Variants in PTPRG observed in about 807,000 individuals in gnomAD.
PTPRG encodes the protein protein tyrosine phosphatase receptor type G, also known as receptor-type tyrosine-protein phosphatase gamma.
PTPRG carries 102 observed loss-of-function variants against 165.3 expected under a neutral mutation model. That is an observed-to-expected ratio of 0.62 (90% CI 0.53 to 0.73). The LOEUF (loss-of-function observed/expected upper bound fraction) is 0.73. PTPRG is among the 30% of genes least tolerant of loss of function. The pLI is 0.00. For synonymous variants in PTPRG, 675 were observed against 669.5 expected (o/e 1.01, Z -0.13); for missense variants, 1,866 against 1,861.4 (o/e 1.00, Z -0.05).
At chr3:61,666,279 G>C (rs995045559) in intron 1 of PTPRG, among the ~76,000 whole-genome samples, 6 of 152,218 alleles carry the variant, frequency 3.9e-5, no homozygotes, top group African/African-American at 1.4e-4. Context: ...TCTGTTATCT[G>C]TCTGAATTAC....
At chr3:61,749,332 T>C in intron 2 of PTPRG, 1 of 373,130 alleles carries the variant, frequency 2.7e-6, no homozygotes, top group East Asian at 6.9e-5. Flanking sequence ...ATATGGCTAG[T>C]CTTGAGCTGC....
intron 1 of PTPRG, among the ~76,000 whole-genome samples, chr3:61,666,099 T>C (rs1233367576): frequency 1.3e-5 from 2 of 152,060 alleles, no homozygotes; most frequent in Non-Finnish European, 2.9e-5. Flanking sequence ...CTGGTGACTA[T>C]TGAGTTTGGC....
intron 5 of PTPRG, among the ~76,000 whole-genome samples, chr3:62,079,040 A>G (rs6782171): frequency 0.027 from 4,159 of 152,294 alleles, 186 homozygotes; most frequent in African/African-American, 0.095. Flanking sequence ...CATTTCACCA[A>G]TGAGTCTCTG....
chr3:62,273,173 T>G lies in PTPRG; in HGVS notation c.3318+92T>G. ...ATAATGAAGAGACAGATTCATTCTTTTAGGGCTTGCAGTAATTTACAGGTT... is the reference window on the plus strand; with the variant it reads ...ATAATGAAGAGACAGATTCATTCTTGTAGGGCTTGCAGTAATTTACAGGTT... On this transcript the variant is annotated intron_variant, in intron 22 of 29. Coordinates refer to ENST00000474889, the MANE Select transcript of PTPRG (RefSeq NM_002841.4). This position sits in a 1 kb window ranked among gnomAD's most constrained non-coding sequence, Gnocchi z 4.1. 1 of 1,352,752 alleles carries G rather than the reference T, an allele frequency of 7.4e-7. No homozygotes were observed. Among genetic ancestry groups the G allele is most frequent in the East Asian group, 2.5e-5 (1 of 39,574 alleles). The allele number at this position is 1,352,752 out of a possible 1,614,324, so 83.8% of individuals were successfully genotyped here.
At chr3:62,149,868 C>G (rs1041761789) in intron 6 of PTPRG, among the ~76,000 whole-genome samples, 5 of 152,194 alleles carry the variant, frequency 3.3e-5, no homozygotes, top group Non-Finnish European at 5.9e-5. Context: ...TTTTTCCCCC[C>G]CTCAATCCTG....
chr3:61,854,037 C>T lies in PTPRG; in HGVS notation c.190+105055C>T, dbSNP rs567003703. Among the ~76,000 whole-genome samples, 65 of 152,248 alleles carry T rather than the reference C, an allele frequency of 4.3e-4. No homozygotes were observed. In the South Asian group the frequency reaches 0.011, roughly 27 times the overall value. On this transcript the variant is annotated intron_variant, in intron 2 of 29. Transcript: ENST00000474889. ...TTTCAGAACATAAGCTCAGAGGAACCGGTGGCCATTCAAAAGAGAAAGGCC... is the reference window on the plus strand; with the variant it reads ...TTTCAGAACATAAGCTCAGAGGAACTGGTGGCCATTCAAAAGAGAAAGGCC...
intron 2 of PTPRG, chr3:61,749,449 A>G (rs1211842704): frequency 1.1e-5 from 3 of 268,078 alleles, no homozygotes; most frequent in Non-Finnish European, 2.2e-5. Context: ...CTTTGAATAT[A>G]TTTTAGCTGT....
chr3:62,215,546 A>ACCCCCCC (rs35317755), intron 12 of PTPRG, among the ~76,000 whole-genome samples: 51 of 63,788 alleles, frequency 8.0e-4, no homozygotes, highest in African/African-American at 1.2e-3. Flanking sequence ...CCCTACGGGA[A>ACCCCCCC]CCCCCCCCCC....
intron 4 of PTPRG, among the ~76,000 whole-genome samples, chr3:62,021,272 G>T (rs1416355436): frequency 6.6e-6 from 1 of 152,150 alleles, no homozygotes; most frequent in South Asian, 2.1e-4. Context: ...CTGTTGGTCT[G>T]TCTTATAAAC....
At chr3:61,949,241 G>A (rs2039839100) in intron 2 of PTPRG, among the ~76,000 whole-genome samples, 1 of 152,120 alleles carries the variant, frequency 6.6e-6, no homozygotes, top group African/African-American at 2.4e-5. Flanking sequence ...TATAACCGAA[G>A]GAAAATGGAT....
At chr3:61,621,824 T>A (rs1047628539) in intron 1 of PTPRG, among the ~76,000 whole-genome samples, 2 of 152,248 alleles carry the variant, frequency 1.3e-5, no homozygotes, top group African/African-American at 4.8e-5. Flanking sequence ...CCTCTGATTC[T>A]CTGTTTTCTT....
chr3:61,840,782 G>GTTTTTTT (rs149041037), intron 2 of PTPRG, among the ~76,000 whole-genome samples: 21 of 120,094 alleles, frequency 1.7e-4, no homozygotes, highest in African/African-American at 3.2e-4. Context: ...TTGTTTGTTT[G>GTTTTTTT]TTTTTTTTTT....
intron 5 of PTPRG, among the ~76,000 whole-genome samples, chr3:62,092,737 C>T (rs189780035): frequency 5.9e-5 from 9 of 152,216 alleles, no homozygotes; most frequent in East Asian, 3.9e-4. Flanking sequence ...TTAGTTAATA[C>T]GGGTAAAATC....
Position 62,124,288 on chromosome 3 carries a change from G to A in PTPRG, c.616-8314G>A. On this transcript the variant is annotated intron_variant, in intron 5 of 29. Transcript: ENST00000474889. Reference sequence around the variant, plus strand: ...GCAAGGACAGGATGCTGATGTCCGTGTTGAGGGTGGTCAGCGGCATCCTGG... The same window carrying A: ...GCAAGGACAGGATGCTGATGTCCGTATTGAGGGTGGTCAGCGGCATCCTGG... The A allele has an allele frequency of 1.3e-6, 2 of 1,574,398 alleles. 1 individual carries two copies. The highest frequency in any genetic ancestry group is 2.2e-5 in the South Asian group (2 of 90,120).
intron 4 of PTPRG, among the ~76,000 whole-genome samples, chr3:62,047,894 C>G (rs182862794): frequency 1.3e-5 from 2 of 152,130 alleles, no homozygotes; most frequent in East Asian, 3.9e-4. Context: ...TACAGGATCG[C>G]AAAAAAGCCA....
chr3:61,862,949 A>G lies in PTPRG; in HGVS notation c.190+113967A>G, dbSNP rs141727836. Among the ~76,000 whole-genome samples, 467 of 152,200 alleles carry G rather than the reference A, an allele frequency of 3.1e-3. 2 individuals are homozygous for G. The highest frequency in any genetic ancestry group is 0.011 in the African/African-American group (441 of 41,436). ...GGGTCTTAATTGCCTCAAGTATAAA[A>G]GCAAACGAGCAGATTTCAGTAGATG... On this transcript the variant is annotated intron_variant, in intron 2 of 29. Transcript: ENST00000474889.
intron 2 of PTPRG, among the ~76,000 whole-genome samples, chr3:61,977,841 C>T (rs2040544465): frequency 6.6e-6 from 1 of 152,130 alleles, no homozygotes; most frequent in African/African-American, 2.4e-5. Flanking sequence ...CTTATTTTCT[C>T]ATATTAGAAA....
At chr3:61,787,103 C>CCAAAAAAA (rs1453227903) in intron 2 of PTPRG, among the ~76,000 whole-genome samples, 2 of 151,030 alleles carry the variant, frequency 1.3e-5, no homozygotes, top group Non-Finnish European at 3.0e-5. Flanking sequence ...CCTTTGTGTG[C>CCAAAAAAA]CAAAAAAAAA....
intron 2 of PTPRG, among the ~76,000 whole-genome samples, chr3:61,761,171 G>A (rs191310695): frequency 1.3e-5 from 2 of 152,224 alleles, no homozygotes; most frequent in African/African-American, 2.4e-5. Flanking sequence ...TTGAGGAATC[G>A]CCACACCATC....
Sources: allele counts gnomAD v4.1 joint callset (sites outside exome capture counted in the v4.1 genomes callset), GRCh38; gene constraint gnomAD v4.1.1; non-coding constraint Gnocchi (gnomAD v3.1); transcripts MANE v1.5; gene names NCBI Gene and HGNC (gene_info 2026-07-23, HGNC 2026-07-21).